Variants in SEMA5A observed in about 807,000 individuals in gnomAD.
SEMA5A encodes the protein semaphorin-5A.
In SEMA5A, 55 loss-of-function variants were observed where a neutral mutation model predicts 135.5. The ratio of observed to expected loss-of-function variants is 0.41; its 90% confidence interval spans 0.33 to 0.51. SEMA5A has a LOEUF of 0.51. SEMA5A is among the 20% of genes least tolerant of loss of function. The pLI is 0.37. For synonymous variants in SEMA5A, 580 were observed against 546.5 expected (o/e 1.06, Z -0.85); for missense variants, 1,290 against 1,419.9 (o/e 0.91, Z 1.47).
intron 16 of SEMA5A, among the ~76,000 whole-genome samples, chr5:9,082,281 T>G (rs572653234): frequency 8.5e-4 from 129 of 152,326 alleles, no homozygotes; most frequent in Middle Eastern, 3.4e-3. Context: ...TGGAGTCTTA[T>G]GTTCATAAAA....
intron 16 of SEMA5A, among the ~76,000 whole-genome samples, chr5:9,092,515 C>T (rs753617188): frequency 6.6e-6 from 1 of 152,210 alleles, no homozygotes; most frequent in Non-Finnish European, 1.5e-5. Context: ...TACACTATTA[C>T]TGCAGGAACA....
chr5:9,236,050 G>A (rs1365557167), intron 6 of SEMA5A, among the ~76,000 whole-genome samples: 2 of 152,172 alleles, frequency 1.3e-5, no homozygotes, highest in Non-Finnish European at 2.9e-5. Context: ...GGTCTTGTGA[G>A]ACTTATTCAG....
At chr5:9,438,296 C>T (rs918242160) in intron 1 of SEMA5A, among the ~76,000 whole-genome samples, 2 of 152,126 alleles carry the variant, frequency 1.3e-5, no homozygotes, top group Admixed American at 6.5e-5. Context: ...AAGGCAGTAG[C>T]ACAAACTCTG....
chr5:9,285,374 G>T (rs989968520), intron 5 of SEMA5A, among the ~76,000 whole-genome samples: 1 of 152,012 alleles, frequency 6.6e-6, no homozygotes, highest in East Asian at 1.9e-4. Context: ...TCACTGGGCC[G>T]TGAACCCGCC....
chr5:9,305,708 G>GTGTAAA (rs1554017498), intron 5 of SEMA5A, among the ~76,000 whole-genome samples: 3 of 139,226 alleles, frequency 2.2e-5, no homozygotes, highest in Admixed American at 7.1e-5. Flanking sequence ...GTGTGTGTGC[G>GTGTAAA]TATATATATA....
chr5:9,431,913 C>A (rs935409764), intron 2 of SEMA5A, among the ~76,000 whole-genome samples: 15 of 152,282 alleles, frequency 9.9e-5, no homozygotes, highest in African/African-American at 3.4e-4. Flanking sequence ...CACCACACAG[C>A]TGTGATTCAC....
intron 8 of SEMA5A, among the ~76,000 whole-genome samples, chr5:9,216,107 C>T (rs866510934): frequency 1.1e-4 from 16 of 152,160 alleles, no homozygotes; most frequent in African/African-American, 3.6e-4. Context: ...GTCTTCCTAA[C>T]TTTTTGATGT....
rs114978194 is a variant in SEMA5A at position 9,178,977 on chromosome 5, G to A, written c.1273+11290C>T. ...TAGACATGTCTCATGAAGCTTTCAC[G>A]TAGAAAATGGTTTGAATGTCCCTCT... On this transcript the variant is annotated intron_variant, in intron 11 of 22. Coordinates refer to ENST00000382496, the MANE Select transcript of SEMA5A (RefSeq NM_003966.3). 6.3e-3 allele frequency among the ~76,000 whole-genome samples: 954 copies of A among 152,244 alleles called. 8 individuals are homozygous for A. Among genetic ancestry groups the A allele is most frequent in the Non-Finnish European group, 0.011 (742 of 67,996 alleles).
chr5:9,449,775 C>G (rs1758567721), intron 1 of SEMA5A, among the ~76,000 whole-genome samples: 1 of 152,144 alleles, frequency 6.6e-6, no homozygotes, highest in African/African-American at 2.4e-5. Flanking sequence ...AGATACCACA[C>G]ACACAGAAGG....
intron 1 of SEMA5A, among the ~76,000 whole-genome samples, chr5:9,475,468 T>C (rs999769523): frequency 2.0e-5 from 3 of 152,244 alleles, no homozygotes; most frequent in Non-Finnish European, 4.4e-5. Context: ...TTCTCTAATT[T>C]TGAGCAGGTC....
At chr5:9,160,624 T>C (rs1743201912) in intron 11 of SEMA5A, among the ~76,000 whole-genome samples, 1 of 149,150 alleles carries the variant, frequency 6.7e-6, no homozygotes, top group African/African-American at 2.4e-5. Flanking sequence ...CACTACATTG[T>C]AGGTCTAAAC....
chr5:9,290,250 T>C (rs1232786897), intron 5 of SEMA5A, among the ~76,000 whole-genome samples: 2 of 152,186 alleles, frequency 1.3e-5, no homozygotes, highest in South Asian at 2.1e-4. Context: ...ATCGTTCTTA[T>C]GCCTTTGAAT....
chr5:9,055,765 C>T lies in SEMA5A; in HGVS notation c.2519-1508G>A, dbSNP rs529226581. On this transcript the variant is annotated intron_variant, in intron 18 of 22. Transcript: ENST00000382496. ...ACTTGCAGAATTCAACAGTATTTTC[C>T]CTAAAAGTTATACGGTATATCAGAC... Among the ~76,000 whole-genome samples, 5 of 151,838 alleles carry T rather than the reference C, an allele frequency of 3.3e-5. No homozygotes were observed. The East Asian group carries it at 9.7e-4, about 29-fold the overall frequency.
At chr5:9,309,644 C>T (rs924506279) in intron 5 of SEMA5A, among the ~76,000 whole-genome samples, 8 of 152,068 alleles carry the variant, frequency 5.3e-5, no homozygotes, top group African/African-American at 1.9e-4. Context: ...CCACAGACTG[C>T]ACTGGACTCA....
chr5:9,324,193 C>T (rs1203081008), intron 4 of SEMA5A, among the ~76,000 whole-genome samples: 3 of 151,942 alleles, frequency 2.0e-5, no homozygotes, highest in South Asian at 2.1e-4. Context: ...CTCAGCCTCC[C>T]GAGTAGCTGG....
At chr5:9,134,972 T>C (rs981967996) in intron 13 of SEMA5A, among the ~76,000 whole-genome samples, 4 of 152,160 alleles carry the variant, frequency 2.6e-5, no homozygotes, top group African/African-American at 9.7e-5. Flanking sequence ...AAAAATTGGC[T>C]ACTAAAATAA....
chr5:9,149,520 T>C (rs931927419), intron 12 of SEMA5A, among the ~76,000 whole-genome samples: 3 of 152,236 alleles, frequency 2.0e-5, no homozygotes, highest in Non-Finnish European at 4.4e-5. Flanking sequence ...GGCGCATGCC[T>C]GTAGTCCCAG....
intron 3 of SEMA5A, among the ~76,000 whole-genome samples, chr5:9,379,049 C>G (rs1194125627): frequency 6.6e-6 from 1 of 152,004 alleles, no homozygotes; most frequent in East Asian, 1.9e-4. Context: ...CTGCATGCTC[C>G]TTAGACTATT....
intron 5 of SEMA5A, among the ~76,000 whole-genome samples, chr5:9,289,467 C>T (rs1447148086): frequency 1.3e-5 from 2 of 152,012 alleles, no homozygotes; most frequent in Non-Finnish European, 2.9e-5. Context: ...AGATTGAGAA[C>T]ATCCTGGCTG....
Sources: allele counts gnomAD v4.1 joint callset (sites outside exome capture counted in the v4.1 genomes callset), GRCh38; gene constraint gnomAD v4.1.1; transcripts MANE v1.5; gene names NCBI Gene and HGNC (gene_info 2026-07-23, HGNC 2026-07-21).